Variants in CALN1 observed in about 807,000 individuals in gnomAD.
The protein encoded by CALN1 is calcium-binding protein 8.
CALN1 carries 17 observed loss-of-function variants against 30.6 expected under a neutral mutation model. That is an observed-to-expected ratio of 0.56 (90% CI 0.38 to 0.83). The LOEUF is 0.83. Ranked by LOEUF, CALN1 falls within the 40% of genes least tolerant of loss-of-function variation. The pLI, the probability that CALN1 is intolerant of heterozygous loss-of-function variation, is 0.00. For synonymous variants in CALN1, 156 were observed against 131.4 expected (o/e 1.19, Z -1.28); for missense variants, 291 against 354.9 (o/e 0.82, Z 1.45).
intron 3 of CALN1, among the ~76,000 whole-genome samples, chr7:72,140,624 G>A (rs1043376903): frequency 6.6e-6 from 1 of 152,238 alleles, no homozygotes; most frequent in Non-Finnish European, 1.5e-5. Flanking sequence ...GGGCCTATGT[G>A]GCCTATGTCT....
intron 1 of CALN1, among the ~76,000 whole-genome samples, chr7:72,409,639 C>G (rs1313304225): frequency 6.6e-6 from 1 of 151,906 alleles, no homozygotes; most frequent in Non-Finnish European, 1.5e-5. Context: ...TCACTGGGAG[C>G]AAGATTGAGC....
intron 5 of CALN1, among the ~76,000 whole-genome samples, chr7:72,005,311 C>T (rs964482778): frequency 1.2e-4 from 18 of 152,142 alleles, no homozygotes; most frequent in Non-Finnish European, 2.5e-4. Context: ...AAATACTACT[C>T]AGCAGTAAAA....
chr7:72,501,908 CAAA>C, the CALN1 span, among the ~76,000 whole-genome samples: 42 of 24,732 alleles, frequency 1.7e-3, no homozygotes, highest in Admixed American at 1.6e-3. Context: ...GATTTCGTCT[CAAA>C]AAAAAAAAAA....
At chr7:72,205,192 T>A (rs1791737459) in intron 3 of CALN1, among the ~76,000 whole-genome samples, 1 of 151,994 alleles carries the variant, frequency 6.6e-6, no homozygotes, top group Admixed American at 6.6e-5. Flanking sequence ...TTTTTGTTTT[T>A]ATTTTTGCTT....
At chr7:71,810,230 G>C in intron 6 of CALN1, 106 bp downstream of exon 6, 1 of 1,269,774 alleles carries the variant, frequency 7.9e-7, no homozygotes, top group East Asian at 2.4e-5. Context: ...TTCAGTACAA[G>C]GGAACATCAG....
chr7:72,207,383 A>G (rs566162224), intron 3 of CALN1, among the ~76,000 whole-genome samples: 2 of 150,966 alleles, frequency 1.3e-5, no homozygotes, highest in Non-Finnish European at 3.0e-5. Context: ...TCATTGGCCA[A>G]CTCCTATGCG....
At chr7:72,029,367 G>A (rs1176841163) in intron 4 of CALN1, among the ~76,000 whole-genome samples, 2 of 152,126 alleles carry the variant, frequency 1.3e-5, no homozygotes, top group Non-Finnish European at 2.9e-5. Flanking sequence ...GCCCACCTCA[G>A]CCTCCCAAAG....
chr7:72,052,447 G>A (rs987979907), intron 4 of CALN1, among the ~76,000 whole-genome samples: 1 of 146,154 alleles, frequency 6.8e-6, no homozygotes, highest in Non-Finnish European at 1.5e-5. Flanking sequence ...GCTCTGGGGG[G>A]ATTCAGGCTT....
intron 6 of CALN1, among the ~76,000 whole-genome samples, chr7:71,807,809 C>T (rs1485390785): frequency 6.6e-6 from 1 of 152,136 alleles, no homozygotes; most frequent in Non-Finnish European, 1.5e-5. Context: ...AGTGTGATGG[C>T]TCACGCCTGT....
intron 2 of CALN1, among the ~76,000 whole-genome samples, chr7:72,289,962 T>C (rs1798360773): frequency 6.6e-6 from 1 of 151,280 alleles, no homozygotes; most frequent in Non-Finnish European, 1.5e-5. Flanking sequence ...CCTGTAGTCT[T>C]AGCTACTCAG....
chr7:72,217,832 A>ATTTTTTTTTTTTT (rs35736777), intron 3 of CALN1, among the ~76,000 whole-genome samples: 2 of 67,298 alleles, frequency 3.0e-5, no homozygotes, highest in African/African-American at 6.5e-5. Context: ...AATTAAATAA[A>ATTTTTTTTTTTTT]TTTTTTTTTT....
At chr7:72,220,848 G>A (rs1000152913) in intron 3 of CALN1, among the ~76,000 whole-genome samples, 9 of 152,200 alleles carry the variant, frequency 5.9e-5, no homozygotes, top group Non-Finnish European at 1.2e-4. Flanking sequence ...CTTCTTCTGA[G>A]AAGTGTCTGT....
rs895440815 is a variant in CALN1, at chr7:72,230,003, T to C, written c.244+48683A>G. ...AAAAATACAAAAAATTAGCTGGGCG[T>C]GGTGGTGGGCGCCTGTAGTTCCAGC... is the stretch of plus-strand genomic sequence containing the variant. On this transcript the variant is annotated intron_variant, in intron 3 of 6. Coordinates refer to ENST00000395275, the MANE Select transcript of CALN1 (RefSeq NM_031468.4). Among the ~76,000 whole-genome samples, 8 of 151,240 alleles carry C rather than the reference T, an allele frequency of 5.3e-5. 1 individual carries two copies. Among genetic ancestry groups the C allele is most frequent in the Non-Finnish European group, 1.0e-4 (7 of 67,782 alleles).
chr7:71,998,697 G>A (rs1799376035), intron 5 of CALN1, among the ~76,000 whole-genome samples: 1 of 151,390 alleles, frequency 6.6e-6, no homozygotes, highest in African/African-American at 2.4e-5. Flanking sequence ...AGCCTCCCAA[G>A]TAGCGTACAC....
chr7:72,367,664 C>CAAATAA (rs370438761), intron 2 of CALN1, among the ~76,000 whole-genome samples: 12 of 151,914 alleles, frequency 7.9e-5, no homozygotes, highest in African/African-American at 1.5e-4. Flanking sequence ...CAGGTCTCTA[C>CAAATAA]AAATAAAAAT....
chr7:72,123,069 A>C (rs1476213634), intron 3 of CALN1, among the ~76,000 whole-genome samples: 1 of 152,200 alleles, frequency 6.6e-6, no homozygotes, highest in East Asian at 1.9e-4. Context: ...CAGGGAGCGG[A>C]CTGGGGGTCA....
intron 2 of CALN1, among the ~76,000 whole-genome samples, chr7:72,290,079 TAAAAAAAAAAAAAAAAAAAAAAAAAAA>T (rs60416266): frequency 3.5e-3 from 114 of 32,122 alleles, no homozygotes; most frequent in African/African-American, 6.0e-3. Context: ...GACCCTGTCT[TAAAAAAAAAAAAAAAAAAAAAAAAAAA>T]AAAAAAAAAA....
intron 2 of CALN1, among the ~76,000 whole-genome samples, chr7:72,335,924 G>A (rs1458642004): frequency 1.3e-5 from 2 of 152,316 alleles, no homozygotes; most frequent in Admixed American, 6.5e-5. Flanking sequence ...CTCGGACCAA[G>A]TCTCGGGAAG....
intron 3 of CALN1, among the ~76,000 whole-genome samples, chr7:72,253,055 G>A (rs934015543): frequency 1.3e-5 from 2 of 152,190 alleles, no homozygotes; most frequent in African/African-American, 4.8e-5. Context: ...GAAGGGATGA[G>A]AGCTGAAGTT....
Sources: gnomAD v4.1 joint callset for allele counts (sites outside exome capture counted in the v4.1 genomes callset) on GRCh38, gnomAD v4.1.1 for gene constraint, MANE v1.5 for transcripts, NCBI Gene and HGNC (gene_info 2026-07-23, HGNC 2026-07-21) for gene names.